Variants in CIT observed in about 807,000 individuals in gnomAD.
CIT encodes citron rho-interacting serine/threonine kinase.
A neutral mutation model predicts 272.7 loss-of-function variants in CIT; 79 were observed. The ratio of observed to expected loss-of-function variants is 0.29; its 90% CI spans 0.24 to 0.35. CIT has a LOEUF of 0.35. Among genes scored for constraint, CIT ranks in the 10% least tolerant of loss-of-function variants. The probability of loss-of-function intolerance (pLI) is 1.00; values close to 1 mark genes in which losing one functional copy is unlikely to be tolerated. For missense variants in CIT, 1,909 were observed against 2,618.3 expected, an observed-to-expected ratio of 0.73 and a Z score of 5.91; for synonymous variants, 948 against 995.6, an observed-to-expected ratio of 0.95 and a Z score of 0.90.
At chr12:119,860,038 A>G (rs1950290558) in intron 3 of CIT, among the ~76,000 whole-genome samples, 1 of 152,070 alleles carries the variant, frequency 6.6e-6, no homozygotes, top group Admixed American at 6.6e-5. Context: ...GGCTGGTCTC[A>G]AACTCCTAGA....
intron 7 of CIT, among the ~76,000 whole-genome samples, chr12:119,827,172 C>A (rs978029575): frequency 6.6e-6 from 1 of 152,076 alleles, no homozygotes; most frequent in Admixed American, 6.5e-5. Flanking sequence ...TCAAGAAAGC[C>A]AGATGGTCAC....
chr12:119,772,548 G>C (rs1378821706), intron 17 of CIT, among the ~76,000 whole-genome samples: 2 of 152,154 alleles, frequency 1.3e-5, no homozygotes, highest in East Asian at 3.9e-4. Flanking sequence ...TAAACAGAAA[G>C]AAAAAACTTC....
intron 5 of CIT, among the ~76,000 whole-genome samples, chr12:119,835,902 A>G (rs1968963497): frequency 6.6e-6 from 1 of 152,114 alleles, no homozygotes; most frequent in Non-Finnish European, 1.5e-5. Flanking sequence ...TACTCCATTC[A>G]CATGGTTTCT....
chr12:119,742,343 A>G, intron 24 of CIT, 68 bp downstream of exon 24: 1 of 1,114,688 alleles, frequency 9.0e-7, no homozygotes, highest in South Asian at 1.6e-5. Context: ...TTTTAAAGAG[A>G]CGTCCCCTTT....
At chr12:119,777,761 T>G (rs1347266517) in intron 13 of CIT, among the ~76,000 whole-genome samples, 1 of 151,348 alleles carries the variant, frequency 6.6e-6, no homozygotes, top group Admixed American at 6.6e-5. Context: ...AATCACACCA[T>G]ACGAAATGCA....
intron 23 of CIT, among the ~76,000 whole-genome samples, chr12:119,744,811 T>C (rs757094219): frequency 2.0e-5 from 3 of 151,956 alleles, no homozygotes; most frequent in Admixed American, 6.6e-5. Flanking sequence ...ATAAATACTA[T>C]TGTCAGTTTA....
chr12:119,771,218 C>T (rs1186895095), intron 17 of CIT, among the ~76,000 whole-genome samples: 14 of 152,044 alleles, frequency 9.2e-5, no homozygotes, highest in Non-Finnish European at 1.5e-4. Flanking sequence ...AAGATAAACA[C>T]AAATAATCAT....
chr12:119,711,397 C>T lies in CIT; in HGVS notation c.4855-777G>A, dbSNP rs76522111. Among the ~76,000 whole-genome samples, 214 of 152,258 alleles carry T rather than the reference C, an allele frequency of 1.4e-3. 1 individual carries two copies. Among genetic ancestry groups the T allele is most frequent in the African/African-American group, 5.0e-3 (207 of 41,540 alleles). On this transcript the variant is annotated intron_variant, in intron 37 of 47. Transcript: ENST00000392521. The stretch of plus-strand genomic sequence containing the variant: ...AACAGCTTAAGGATAAGTAGGACTC[C>T]AAACCTGCCTACGGAAGAGCAAATA...
In CIT at chr12:119,804,182, CGG is replaced by C; in HGVS notation, c.1112-795_1112-794del. The C allele has an allele frequency of 1.0e-6, 1 of 985,532 alleles. No homozygotes were observed. The highest frequency in any genetic ancestry group is 1.2e-6 in the Non-Finnish European group (1 of 830,040). The allele number at this position is 985,532 out of a possible 1,614,324, so 61.0% of individuals were successfully genotyped here. A position where few individuals can be genotyped will look rare whatever the true frequency, so the allele number is the denominator to read the frequency against. ...TCCTACCTCCTCAGGGCTTCACTCCCGGCTGGGGGCGTGTTACATCCTCTCCA... is the reference window on the plus strand; with the variant it reads ...TCCTACCTCCTCAGGGCTTCACTCCCCTGGGGGCGTGTTACATCCTCTCCA... On this transcript the variant is annotated intron_variant, in intron 9 of 47. Transcript: ENST00000392521. The surrounding 1 kb of genome is among the most constrained non-coding windows in gnomAD (Gnocchi z 5.3).
intron 12 of CIT, 94 bp from the exon 13 acceptor site, chr12:119,782,731 C>A (rs903583029): frequency 6.8e-7 from 1 of 1,476,080 alleles, no homozygotes; most frequent in Non-Finnish European, 9.1e-7. Flanking sequence ...TTCGCAGACA[C>A]CAGGACAGTT....
chr12:119,853,423 T>C (rs1970364592), intron 4 of CIT, among the ~76,000 whole-genome samples: 1 of 150,488 alleles, frequency 6.6e-6, no homozygotes, highest in East Asian at 2.0e-4. Context: ...AGGGGATTTG[T>C]TTATTTGTTT....
chr12:119,728,526 C>G lies in CIT; in HGVS notation c.3567G>C (p.Glu1189Asp). The G allele has an allele frequency of 6.2e-7, 1 of 1,613,028 alleles. No homozygotes were observed. The highest frequency in any genetic ancestry group is 8.5e-7 in the Non-Finnish European group (1 of 1,179,360). Reference protein sequence around the residue: ...SLQQKLETERELKQRLLEEQA... With the variant: ...SLQQKLETERDLKQRLLEEQA... ...CCTCTTCCAGAAGCCTCTGTTTGAG[C>G]TCTCGTTCAGTCTCCAGCTTCTGCT... The change falls in exon 28 of 48, where the codon GAG becomes GAC. Residue 1189 changes from glutamate to aspartate, a missense_variant. Glu to Asp is a conservative substitution (Grantham distance 45). Transcript: ENST00000392521. The surrounding 1 kb of genome is among the most constrained non-coding windows in gnomAD (Gnocchi z 4.3).
intron 23 of CIT, among the ~76,000 whole-genome samples, chr12:119,744,277 G>A (rs1160547886): frequency 1.3e-5 from 2 of 152,154 alleles, no homozygotes; most frequent in East Asian, 1.9e-4. Flanking sequence ...AGTCAAAGAC[G>A]CCCTAACAGA....
chr12:119,744,149 T>C (rs1023295255), intron 23 of CIT, among the ~76,000 whole-genome samples: 2 of 152,042 alleles, frequency 1.3e-5, no homozygotes, highest in Non-Finnish European at 1.5e-5. Context: ...TGGAGAAGGA[T>C]GGTGGCAAAA....
At chr12:119,757,251 C>A (rs1961113856) in intron 22 of CIT, 120 bp downstream of exon 22, 1 of 1,276,138 alleles carries the variant, frequency 7.8e-7, no homozygotes, top group South Asian at 1.4e-5. Context: ...CTCAAGTCTG[C>A]CCCCTTAACC....
chr12:119,779,250 G>A (rs1374844946), intron 13 of CIT, among the ~76,000 whole-genome samples: 1 of 151,944 alleles, frequency 6.6e-6, no homozygotes, highest in African/African-American at 2.4e-5. Context: ...TAATTCACAG[G>A]CCAGAACATG....
Position 119,752,153 on chromosome 12 carries a change from G to A in CIT, c.2801C>T (p.Ala934Val). 2 of 1,612,952 alleles carry A rather than the reference G, an allele frequency of 1.2e-6. No homozygotes were observed. Among genetic ancestry groups the A allele is most frequent in the East Asian group, 4.5e-5 (2 of 44,894 alleles). ...SLQERESQLT[A>V]LQAARAALES... ...CAGGGCCGCCCGTGCAGCCTGCAGG[G>A]CTGTCAACTGTGACTCGCGCTCCTG... Residue 934 changes from alanine to valine, a missense_variant, in exon 23 of 48, where the codon GCC becomes GTC. Coordinates refer to ENST00000392521, the MANE Select transcript of CIT (RefSeq NM_001206999.2).
At position 119,713,345 on chromosome 12, in the gene CIT, C is replaced by T; in HGVS notation, c.4488-51G>A. 6.3e-7 allele frequency: 1 copy of T among 1,595,674 alleles called. No homozygotes were observed. Among genetic ancestry groups the T allele is most frequent in the South Asian group, 1.1e-5 (1 of 90,346 alleles). ...AAATGTCTGAACTCAGAAGAAACAT[C>T]CGGCTGGAGGATAGGATGAGGGGGT... On this transcript the variant is annotated intron_variant, in intron 34 of 47. Coordinates refer to ENST00000392521, the MANE Select transcript of CIT (RefSeq NM_001206999.2). This position sits in a 1 kb window ranked among gnomAD's most constrained non-coding sequence, Gnocchi z 5.2.
At chr12:119,852,386 C>T (rs1423902860) in intron 4 of CIT, among the ~76,000 whole-genome samples, 4 of 152,130 alleles carry the variant, frequency 2.6e-5, no homozygotes, top group East Asian at 1.9e-4. Flanking sequence ...TTAAGTGTCA[C>T]GTGTGATCCT....
Sources: gnomAD v4.1 joint callset for allele counts (sites outside exome capture counted in the v4.1 genomes callset) on GRCh38, gnomAD v4.1.1 for gene constraint, Gnocchi (gnomAD v3.1) non-coding constraint, MANE v1.5 for transcripts, NCBI Gene and HGNC (gene_info 2026-07-23, HGNC 2026-07-21) for gene names.